CPB2: variants seen among roughly 807,000 people sequenced by gnomAD.
CPB2 encodes carboxypeptidase B-like protein.
Under a neutral mutation model 57.0 loss-of-function variants are expected in CPB2, and 54 were observed. That is an observed-to-expected ratio of 0.95 (90% confidence interval 0.76 to 1.19). The LOEUF is 1.19. CPB2 is among the 50% of genes most tolerant of loss of function. The pLI, the probability that CPB2 is intolerant of heterozygous loss-of-function variation, is 0.00. For synonymous variants in CPB2, 189 were observed against 178.1 expected, an observed-to-expected ratio of 1.06 and a Z score of -0.49; for missense variants, 426 against 512.0, an observed-to-expected ratio of 0.83 and a Z score of 1.62.
chr13:46,080,010 A>C (rs2045087821), intron 4 of CPB2, among the ~76,000 whole-genome samples: 1 of 152,216 alleles, frequency 6.6e-6, no homozygotes, highest in Admixed American at 6.5e-5. Context: ...GCATAAATAC[A>C]TCTGAGAAAG....
intron 2 of CPB2, among the ~76,000 whole-genome samples, chr13:46,084,638 T>A (rs1008265548): frequency 8.5e-5 from 13 of 152,124 alleles, no homozygotes; most frequent in African/African-American, 2.9e-4. Context: ...TATTCATGGC[T>A]TAACTGTAAA....
chr13:46,083,581 TAAG>T (rs1395827550), intron 3 of CPB2, among the ~76,000 whole-genome samples: 1 of 152,138 alleles, frequency 6.6e-6, no homozygotes, highest in Non-Finnish European at 1.5e-5. Flanking sequence ...GGAGACTCCA[TAAG>T]AAGAAGGCTA....
chr13:46,071,608 C>T (rs2044943603), intron 6 of CPB2, among the ~76,000 whole-genome samples: 1 of 152,036 alleles, frequency 6.6e-6, no homozygotes, highest in South Asian at 2.1e-4. Context: ...GAACCGGGTA[C>T]CAGGAAATTA....
chr13:46,069,903 A>G (rs770443071), intron 6 of CPB2, among the ~76,000 whole-genome samples: 14 of 152,194 alleles, frequency 9.2e-5, no homozygotes, highest in Non-Finnish European at 1.6e-4. Context: ...AGGAACTTCC[A>G]CATTGTTTTT....
intron 1 of CPB2, among the ~76,000 whole-genome samples, chr13:46,091,852 C>T (rs746851442): frequency 3.3e-5 from 5 of 152,190 alleles, no homozygotes; most frequent in African/African-American, 9.7e-5. Flanking sequence ...TTCTGCAGCT[C>T]TCCATCCAGT....
chr13:46,053,425 A>G lies in CPB2; in HGVS notation c.*189T>C, dbSNP rs369850469. 73 of 791,752 alleles carry G rather than the reference A, an allele frequency of 9.2e-5. No individual in the cohort carries two copies. In the East Asian group the frequency reaches 1.6e-3, roughly 17 times the overall value. 49.0% of individuals were successfully genotyped at this position (791,752 alleles called of 1,614,324 possible). A position where few individuals can be genotyped will look rare whatever the true frequency, so the allele number is the denominator to read the frequency against. ...ACTTTTACAATTTTTTTTAAAGGGTAAAAAGACATGAACCCTAGTCTGCCT... is the reference window on the plus strand; with the variant it reads ...ACTTTTACAATTTTTTTTAAAGGGTGAAAAGACATGAACCCTAGTCTGCCT... On this transcript the variant is annotated 3_prime_UTR_variant, in exon 11 of 11. Coordinates refer to ENST00000181383, the MANE Select transcript of CPB2 (RefSeq NM_001872.5).
chr13:46,097,252 T>G (rs565113269), intron 1 of CPB2: 14 of 152,350 alleles, frequency 9.2e-5, no homozygotes, highest in African/African-American at 2.9e-4. Context: ...AGAGATGAAG[T>G]GTGCATGGCT....
chr13:46,070,906 A>G (rs1215526116), intron 6 of CPB2, among the ~76,000 whole-genome samples: 2 of 152,224 alleles, frequency 1.3e-5, no homozygotes, highest in Admixed American at 6.5e-5. Context: ...AAATTCCACA[A>G]GGGGATATTG....
chr13:46,066,016 C>T (rs2044849039), intron 7 of CPB2, among the ~76,000 whole-genome samples: 2 of 152,166 alleles, frequency 1.3e-5, no homozygotes, highest in African/African-American at 4.8e-5. Context: ...TGCCCACCTC[C>T]ACCTACAAAA....
At chr13:46,087,693 C>T in intron 2 of CPB2, 52 bp downstream of exon 2, 2 of 1,225,332 alleles carry the variant, frequency 1.6e-6, no homozygotes, top group Non-Finnish European at 1.2e-6. Context: ...ACTCAACACC[C>T]AGTGCTTATA....
At chr13:46,089,432 G>A (rs571382651) in intron 1 of CPB2, among the ~76,000 whole-genome samples, 6 of 152,248 alleles carry the variant, frequency 3.9e-5, no homozygotes, top group African/African-American at 1.2e-4. Context: ...TCATGTGCAC[G>A]TGCCCCCTCT....
At chr13:46,095,748 T>C (rs1033230410) in intron 1 of CPB2, among the ~76,000 whole-genome samples, 3 of 152,170 alleles carry the variant, frequency 2.0e-5, no homozygotes, top group Admixed American at 1.3e-4. Context: ...AATCTGTCCC[T>C]GTGTTAGTGC....
chr13:46,054,159 T>C (rs942217444), intron 10 of CPB2, among the ~76,000 whole-genome samples: 1 of 152,202 alleles, frequency 6.6e-6, no homozygotes, highest in South Asian at 2.1e-4. Context: ...TCTGATAATT[T>C]TATGGGCGAA....
chr13:46,088,088 G>A (rs1009980538), intron 1 of CPB2, among the ~76,000 whole-genome samples: 48 of 152,258 alleles, frequency 3.2e-4, no homozygotes, highest in African/African-American at 1.2e-3. Flanking sequence ...GTGCGTGCAT[G>A]TGTGTTTTAA....
rs1348137670 is a variant in CPB2, at chr13:46,088,628, G to C, written c.75-808C>G. Among the ~76,000 whole-genome samples, 3 of 152,252 alleles carry C rather than the reference G, an allele frequency of 2.0e-5. No individual in the cohort carries two copies. In the East Asian group the frequency reaches 5.8e-4, roughly 29 times the overall value. On this transcript the variant is annotated intron_variant, in intron 1 of 10. Transcript: ENST00000181383. ...TCAATTTATATTGTCAGTAGCAGTG[G>C]AAAAGATTTCCTGTTGTTCTTCCTC...
At chr13:46,096,874 C>T (rs577135927) in intron 1 of CPB2, among the ~76,000 whole-genome samples, 1 of 152,180 alleles carries the variant, frequency 6.6e-6, no homozygotes, top group South Asian at 2.1e-4. Context: ...ATAGGCAGAG[C>T]TTCAGTGTTG....
intron 1 of CPB2, among the ~76,000 whole-genome samples, chr13:46,090,048 A>G (rs2139408726): frequency 6.6e-6 from 1 of 152,220 alleles, no homozygotes. Context: ...TTCTATTGAT[A>G]TATTTGTCTA....
intron 7 of CPB2, among the ~76,000 whole-genome samples, chr13:46,067,043 T>G (rs1187714506): frequency 1.3e-5 from 2 of 151,770 alleles, no homozygotes; most frequent in African/African-American, 4.8e-5. Context: ...ATAAAATGAG[T>G]AAGGTAGAAG....
chr13:46,067,690 T>C (rs564897213), intron 6 of CPB2, among the ~76,000 whole-genome samples: 15 of 152,292 alleles, frequency 9.8e-5, no homozygotes, highest in African/African-American at 3.4e-4. Flanking sequence ...ATTAATTCTT[T>C]ATTAAAGCCA....
Sources: gnomAD v4.1 joint callset for allele counts (sites outside exome capture counted in the v4.1 genomes callset) on GRCh38, gnomAD v4.1.1 for gene constraint, MANE v1.5 for transcripts, NCBI Gene and HGNC (gene_info 2026-07-23, HGNC 2026-07-21) for gene names.